Variants in CD36 observed in about 807,000 individuals in gnomAD.
CD36 encodes the protein platelet glycoprotein 4.
CD36 carries 119 observed loss-of-function variants against 55.2 expected under a neutral mutation model. The observed-to-expected ratio is 2.15, with a 90% CI of 1.86 to 2.51. CD36 has a LOEUF of 2.51. Ranked by LOEUF, CD36 falls within the 30% of genes most tolerant of loss-of-function variation. The pLI is 0.00. For missense variants in CD36, 819 were observed against 555.5 expected, an observed-to-expected ratio of 1.47 and a Z score of -4.77; for synonymous variants, 186 against 193.6, an observed-to-expected ratio of 0.96 and a Z score of 0.33.
At chr7:80,632,701 A>G (rs1794155648) in intron 1 of CD36, among the ~76,000 whole-genome samples, 1 of 152,038 alleles carries the variant, frequency 6.6e-6, no homozygotes, top group Admixed American at 6.6e-5. Context: ...AGAAAAACCT[A>G]ATATTTTAGC....
Position 80,674,160 on chromosome 7 carries a change from C to A in CD36, c.*13C>A. 1 of 1,577,930 alleles carries A rather than the reference C, an allele frequency of 6.3e-7. No individual in the cohort carries two copies. The highest frequency in any genetic ancestry group is 1.1e-5 in the South Asian group (1 of 89,992). ...AACAATAAAATAAGTAAGTATGTAC[C>A]AAAAAATATTGCTTCAATAATATTA... On this transcript the variant is annotated intron_variant, in intron 14 of 14. Transcript: ENST00000447544.
At chr7:80,673,572 C>CAAAAACATTTCCTATCATTTAAG in intron 13 of CD36, 163 bp downstream of exon 13, 1 of 597,868 alleles carries the variant, frequency 1.7e-6, no homozygotes, top group East Asian at 2.8e-5. Context: ...TCCAATTGAA[C>CAAAAACATTTCCTATCATTTAAG]AAAAACATTT....
At chr7:80,656,899 T>C (rs1796133586) in intron 4 of CD36, among the ~76,000 whole-genome samples, 199 bp downstream of exon 4, 1 of 152,076 alleles carries the variant, frequency 6.6e-6, no homozygotes, top group African/African-American at 2.4e-5. Flanking sequence ...TTGAAAAAAG[T>C]GGAAGATATA....
chr7:80,625,200 C>T (rs987432844), intron 1 of CD36, among the ~76,000 whole-genome samples: 15 of 151,968 alleles, frequency 9.9e-5, no homozygotes, highest in African/African-American at 2.9e-4. Flanking sequence ...ATTAGCTACA[C>T]GGAATGATAC....
intron 1 of CD36, among the ~76,000 whole-genome samples, chr7:80,615,556 A>C (rs912868105): frequency 1.3e-5 from 2 of 152,144 alleles, no homozygotes; most frequent in Admixed American, 6.5e-5. Context: ...TTATTTTACA[A>C]TCTATCTCCT....
Position 80,604,350 on chromosome 7 carries a change from ATTTTTTTTTTTTTTTTTTTTT to A in CD36, c.-184+1991_-184+2011del, listed in dbSNP as rs67213422. ...TACAGTAATTGGCTAAGCCACTGGAATTTTTTTTTTTTTTTTTTTTTTTTTTTTTTTTTTTTTTTTAGCAAA... is the reference window on the plus strand; with the variant it reads ...TACAGTAATTGGCTAAGCCACTGGAATTTTTTTTTTTTTTTTTTTAGCAAA... On this transcript the variant is annotated intron_variant, in intron 1 of 13. Transcript: ENST00000309881. Among the ~76,000 whole-genome samples the A allele has an allele frequency of 1.4e-3, 78 of 54,298 alleles. 4 individuals are homozygous for A. The East Asian group carries it at 0.023, about 16-fold the overall frequency. 35.6% of individuals were successfully genotyped at this position (54,298 alleles called of 152,430 possible).
At chr7:80,675,240 C>T (rs1055813945) in intron 14 of CD36, among the ~76,000 whole-genome samples, 2 of 151,790 alleles carry the variant, frequency 1.3e-5, no homozygotes, top group African/African-American at 4.9e-5. Flanking sequence ...TTAAATATTA[C>T]CTTCAATACC....
At chr7:80,660,433 C>T (rs774155571) in intron 4 of CD36, among the ~76,000 whole-genome samples, 33 of 152,114 alleles carry the variant, frequency 2.2e-4, no homozygotes, top group Non-Finnish European at 3.4e-4. Flanking sequence ...GTATTTTGAT[C>T]ATTCTTTCTA....
intron 1 of CD36, among the ~76,000 whole-genome samples, chr7:80,612,759 A>C (rs1792943933): frequency 6.6e-6 from 1 of 152,042 alleles, no homozygotes; most frequent in Non-Finnish European, 1.5e-5. Context: ...GTATGTATTC[A>C]CTGTGTCTTA....
intron 3 of CD36, among the ~76,000 whole-genome samples, chr7:80,649,480 G>A (rs556150949): frequency 1.9e-4 from 14 of 75,232 alleles, no homozygotes; most frequent in Non-Finnish European, 3.3e-4. Context: ...GGTCTGGCAT[G>A]GTTGAGTATA....
chr7:80,667,553 T>A (rs937261268), intron 8 of CD36, among the ~76,000 whole-genome samples: 1 of 151,292 alleles, frequency 6.6e-6, no homozygotes, highest in Admixed American at 6.6e-5. Context: ...GAATATCCCA[T>A]AGGAAAATGA....
At chr7:80,646,020 G>C (rs1329054538) in intron 1 of CD36, 68 bp from the exon 2 acceptor site, 1 of 149,068 alleles carries the variant, frequency 6.7e-6, no homozygotes, top group Admixed American at 6.8e-5. Context: ...GGTGATATTA[G>C]AGAGTGTCCC....
At chr7:80,656,065 GT>G (rs1398218632) in intron 3 of CD36, among the ~76,000 whole-genome samples, 1 of 152,050 alleles carries the variant, frequency 6.6e-6, no homozygotes, top group Non-Finnish European at 1.5e-5. Context: ...ATCCTCTGAA[GT>G]GTCCAACTCT....
In CD36 at chr7:80,661,119, C is replaced by A. The variant is rs752451717; in HGVS notation, c.338C>A (p.Ser113Tyr). The A allele has an allele frequency of 6.2e-7, 1 of 1,613,956 alleles. No homozygotes were observed. The highest frequency in any genetic ancestry group is 8.5e-7 in the Non-Finnish European group (1 of 1,179,838). ...VTQDAEDNTVSFLQPNGAIFE... is the reference protein window; with the variant it reads ...VTQDAEDNTVYFLQPNGAIFE... ...CAGGACGCTGAGGACAACACAGTCT[C>A]TTTCCTGCAGCCCAATGGTGCCATC... Residue 113 changes from serine (S) to tyrosine (Y), a missense_variant, in exon 5 of 15, where the codon TCT (serine) becomes TAT (tyrosine). Physicochemically the swap from Ser to Tyr is moderately radical, Grantham distance 144. Coordinates refer to ENST00000447544, the MANE Select transcript of CD36 (RefSeq NM_001001548.3).
chr7:80,660,279 G>A (rs1379183520), intron 4 of CD36, among the ~76,000 whole-genome samples: 1 of 152,136 alleles, frequency 6.6e-6, no homozygotes, highest in East Asian at 1.9e-4. Context: ...AGAGTCAGGA[G>A]ATTAGAACTA....
Position 80,672,895 on chromosome 7 carries a change from C to T in CD36, c.1199+52C>T, listed in dbSNP as rs750536401. On this transcript the variant is annotated intron_variant, in intron 12 of 14. Transcript: ENST00000447544. ...GATATGATCTGTAGTATCGTAGTAT[C>T]TTCTTGTAAGAACATGAGTAAATCT... 1.0e-5 allele frequency: 12 copies of T among 1,166,312 alleles called. No homozygotes were observed. The South Asian group carries it at 1.4e-4, about 13-fold the overall frequency. The allele number at this position is 1,166,312 out of a possible 1,614,324, so 72.2% of individuals were successfully genotyped here. A position where few individuals can be genotyped will look rare whatever the true frequency, so the allele number is the denominator to read the frequency against.
intron 1 of CD36, among the ~76,000 whole-genome samples, chr7:80,615,830 A>G (rs1406825663): frequency 6.6e-6 from 1 of 152,180 alleles, no homozygotes; most frequent in Non-Finnish European, 1.5e-5. Flanking sequence ...AAACAAATGG[A>G]AGAGTCTTTC....
rs376421152 is a variant in CD36, at chr7:80,663,107, A to T, written c.547A>T (p.Arg183Trp). The change falls in exon 6 of 15, where the codon AGG becomes TGG. Residue 183 changes from arginine to tryptophan, a missense_variant. By Grantham distance (101) the Arg-to-Trp change is moderately radical. Coordinates refer to ENST00000447544, the MANE Select transcript of CD36 (RefSeq NM_001001548.3). ...TTTGAGAGAACTGTTATGGGGCTAT[A>T]GGGATCCATTTTTGAGTTTGGTTCC... Reference protein sequence around the residue: ...RTLRELLWGYRDPFLSLVPYP... With the variant: ...RTLRELLWGYWDPFLSLVPYP... 3.1e-6 allele frequency: 5 copies of T among 1,613,788 alleles called. No homozygotes were observed. In the East Asian group the frequency reaches 8.9e-5, roughly 29 times the overall value.
chr7:80,675,750 G>A (rs1418197639), intron 14 of CD36, among the ~76,000 whole-genome samples: 3 of 152,056 alleles, frequency 2.0e-5, no homozygotes, highest in Non-Finnish European at 4.4e-5. Context: ...ATAGGAACAA[G>A]TAAGAAGACA....
Sources: gnomAD v4.1 joint callset for allele counts (sites outside exome capture counted in the v4.1 genomes callset) on GRCh38, gnomAD v4.1.1 for gene constraint, MANE v1.5 for transcripts, NCBI Gene and HGNC (gene_info 2026-07-23, HGNC 2026-07-21) for gene names.